EDIL3: variants seen among roughly 807,000 people sequenced by gnomAD.
The protein encoded by EDIL3 is EGF like and discoidin domains 3.
In EDIL3, 37 loss-of-function variants were observed where a neutral mutation model predicts 67.4. The observed-to-expected ratio is 0.55, with a 90% CI of 0.42 to 0.72. The LOEUF (loss-of-function observed/expected upper bound fraction) is 0.72, where lower values mean the gene tolerates loss of function less well. EDIL3 is among the 30% of genes least tolerant of loss of function. The pLI is 0.00. For synonymous variants in EDIL3, 195 were observed against 196.3 expected (o/e 0.99, Z 0.05); for missense variants, 527 against 586.3 (o/e 0.90, Z 1.04).
intron 1 of EDIL3, among the ~76,000 whole-genome samples, chr5:84,258,970 C>CTTT (rs144344642): frequency 4.9e-4 from 38 of 77,920 alleles, no homozygotes; most frequent in African/African-American, 1.0e-3. Context: ...TTCGTAGAGT[C>CTTT]TTTTTTTTTT....
intron 1 of EDIL3, among the ~76,000 whole-genome samples, chr5:84,313,739 A>T (rs937297343): frequency 6.6e-6 from 1 of 152,196 alleles, no homozygotes; most frequent in African/African-American, 2.4e-5. Flanking sequence ...ATTAAATCAG[A>T]ATCTCTGTGG....
intron 1 of EDIL3, among the ~76,000 whole-genome samples, chr5:84,377,130 C>G (rs372337174): frequency 6.6e-6 from 1 of 151,872 alleles, no homozygotes. Flanking sequence ...ATTGAGACCA[C>G]CCTGGCTAAC....
At chr5:84,375,841 CT>C (rs1222233252) in intron 1 of EDIL3, among the ~76,000 whole-genome samples, 1 of 152,152 alleles carries the variant, frequency 6.6e-6, no homozygotes, top group Admixed American at 6.5e-5. Context: ...TGAGCATACT[CT>C]TTTATTTCTG....
intron 9 of EDIL3, among the ~76,000 whole-genome samples, chr5:84,024,474 C>T (rs958555847): frequency 3.9e-5 from 6 of 152,202 alleles, no homozygotes; most frequent in South Asian, 2.1e-4. Flanking sequence ...TAGGGCCCTG[C>T]CCCAGGTTTG....
At chr5:83,975,235 C>A (rs1744859083) in intron 9 of EDIL3, among the ~76,000 whole-genome samples, 1 of 151,866 alleles carries the variant, frequency 6.6e-6, no homozygotes, top group Admixed American at 6.6e-5. Flanking sequence ...CATATATATG[C>A]CTCTCTCAGA....
intron 6 of EDIL3, among the ~76,000 whole-genome samples, chr5:84,084,884 T>C (rs1227481148): frequency 6.6e-6 from 1 of 152,158 alleles, no homozygotes; most frequent in African/African-American, 2.4e-5. Context: ...AAACAGACAA[T>C]AATCTAAGAA....
chr5:84,195,539 C>A (rs1743687452), intron 3 of EDIL3, among the ~76,000 whole-genome samples: 1 of 151,908 alleles, frequency 6.6e-6, no homozygotes, highest in African/African-American at 2.4e-5. Flanking sequence ...TATATTCAGT[C>A]TTTAAAAATC....
At position 84,184,482 on chromosome 5, in the gene EDIL3, A is replaced by G. The variant is rs541988511; in HGVS notation, c.227-3961T>C. 2.6e-5 allele frequency among the ~76,000 whole-genome samples: 4 copies of G among 152,330 alleles called. No homozygotes were observed. The East Asian group carries it at 7.7e-4, about 29-fold the overall frequency. ...ATTGTGATGTCCAAAATTCAGGTTT[A>G]AGTTGTTTGCACAGATGCTATGTGA... is the stretch of plus-strand genomic sequence containing the variant. On this transcript the variant is annotated intron_variant, in intron 3 of 10. Coordinates refer to ENST00000296591, the MANE Select transcript of EDIL3 (RefSeq NM_005711.5).
intron 9 of EDIL3, among the ~76,000 whole-genome samples, chr5:83,967,012 TG>T (rs1340812141): frequency 6.6e-6 from 1 of 151,908 alleles, no homozygotes; most frequent in African/African-American, 2.4e-5. Flanking sequence ...CATTTATGAG[TG>T]AAATGGTTAA....
rs765892622 is a variant in EDIL3, at chr5:84,060,302, G to A, written c.1135C>T (p.Gln379Ter). 3.1e-6 allele frequency: 5 copies of A among 1,613,100 alleles called. No homozygotes were observed. ...GAAACAGTTTTGGAAAACTTTACCT[G>A]TAACCATTGTGACTGGTCATTGTGG... Reference protein sequence around the residue: ...SGHNDQSQWLQVDLLVPTKVT... With the variant: ...SGHNDQSQWL Residue 379 changes from glutamine to a stop codon, truncating the protein, a stop_gained and splice_region_variant, in exon 9 of 11, where the codon CAG (glutamine) becomes TAG (stop). Transcript: ENST00000296591. LOFTEE classifies it high-confidence loss of function.
intron 9 of EDIL3, among the ~76,000 whole-genome samples, chr5:84,023,756 T>C (rs757806738): frequency 1.3e-5 from 2 of 152,046 alleles, no homozygotes; most frequent in Non-Finnish European, 2.9e-5. Flanking sequence ...TATTAGACTT[T>C]TCCTCTGCAC....
chr5:83,993,367 C>A (rs1745184035), intron 9 of EDIL3, among the ~76,000 whole-genome samples: 1 of 152,284 alleles, frequency 6.6e-6, no homozygotes, highest in Non-Finnish European at 1.5e-5. Flanking sequence ...TTATAAAAGG[C>A]ATGCTCCCTT....
At chr5:84,232,779 C>A (rs1744609344) in intron 2 of EDIL3, among the ~76,000 whole-genome samples, 2 of 152,106 alleles carry the variant, frequency 1.3e-5, no homozygotes, top group Admixed American at 6.5e-5. Flanking sequence ...TGGTAATAAT[C>A]CAGCTTTAGT....
intron 1 of EDIL3, among the ~76,000 whole-genome samples, chr5:84,372,175 T>C (rs981065213): frequency 6.6e-6 from 1 of 152,122 alleles, no homozygotes; most frequent in African/African-American, 2.4e-5. Context: ...GTAGGCTACT[T>C]GGACGGATTC....
intron 10 of EDIL3, among the ~76,000 whole-genome samples, chr5:83,945,410 C>T (rs751347235): frequency 2.0e-5 from 3 of 151,882 alleles, no homozygotes; most frequent in Non-Finnish European, 4.4e-5. Flanking sequence ...CAATTTAATA[C>T]GGAATCTAAA....
rs568914898 is a variant in EDIL3, at chr5:84,347,369, T to C, written c.67+36939A>G. 8.1e-4 allele frequency among the ~76,000 whole-genome samples: 123 copies of C among 152,328 alleles called. 1 individual carries two copies. The highest frequency in any genetic ancestry group is 2.9e-3 in the African/African-American group (120 of 41,580). Reference sequence around the variant, plus strand: ...CTGAATATGTATAAGTGGAAAGAAATGCTATGGTCCATTTGAGAATACCTA... The same window carrying C: ...CTGAATATGTATAAGTGGAAAGAAACGCTATGGTCCATTTGAGAATACCTA... On this transcript the variant is annotated intron_variant, in intron 1 of 10. Transcript: ENST00000296591.
At chr5:84,043,589 A>G (rs1746170258) in intron 9 of EDIL3, among the ~76,000 whole-genome samples, 1 of 152,258 alleles carries the variant, frequency 6.6e-6, no homozygotes, top group African/African-American at 2.4e-5. Context: ...ACAGGCAGCC[A>G]TGAAAAAATG....
intron 10 of EDIL3, among the ~76,000 whole-genome samples, chr5:83,950,964 A>T (rs901594591): frequency 2.6e-5 from 4 of 151,730 alleles, no homozygotes; most frequent in African/African-American, 9.7e-5. Context: ...TATTAATTTT[A>T]TCTATGTTCT....
intron 1 of EDIL3, among the ~76,000 whole-genome samples, chr5:84,263,389 G>A (rs138241790): frequency 6.6e-6 from 1 of 152,316 alleles, no homozygotes; most frequent in East Asian, 1.9e-4. Context: ...AGGAGTGGTA[G>A]GCATCAGTGC....
Sources: allele counts gnomAD v4.1 joint callset (sites outside exome capture counted in the v4.1 genomes callset), GRCh38; gene constraint gnomAD v4.1.1; transcripts MANE v1.5; gene names NCBI Gene and HGNC (gene_info 2026-07-23, HGNC 2026-07-21).